Variants in PCDHA1 observed in about 807,000 individuals in gnomAD.
PCDHA1 encodes protocadherin alpha 1.
A neutral mutation model predicts 61.3 loss-of-function variants in PCDHA1; 42 were observed. The observed-to-expected ratio is 0.69, with a 90% confidence interval of 0.54 to 0.89. The LOEUF (loss-of-function observed/expected upper bound fraction) is 0.89. PCDHA1 is among the 40% of genes least tolerant of loss of function. PCDHA1 has a pLI of 0.00. For synonymous variants in PCDHA1, 610 were observed against 553.8 expected, an observed-to-expected ratio of 1.10 and a Z score of -1.43; for missense variants, 1,256 against 1,235.3, an observed-to-expected ratio of 1.02 and a Z score of -0.25.
rs2150158198 is a variant in PCDHA1 at position 140,828,717 on chromosome 5, A to C, written c.2394+40033A>C. On this transcript the variant is annotated intron_variant, in intron 1 of 3. Coordinates refer to ENST00000504120, the MANE Select transcript of PCDHA1 (RefSeq NM_018900.4). The stretch of plus-strand genomic sequence containing the variant: ...GACAGAGAGGAAGCTCCTGCACACA[A>C]CTTATTCCTGACAGCCACAGATGGG... 5.6e-6 allele frequency: 9 copies of C among 1,614,108 alleles called. No homozygotes were observed. In the South Asian group the frequency reaches 7.7e-5, roughly 14 times the overall value.
intron 1 of PCDHA1, chr5:140,815,377 T>C (rs1765709117): frequency 6.6e-6 from 1 of 152,104 alleles, no homozygotes; most frequent in South Asian, 2.1e-4. Flanking sequence ...TCTTTGTGGT[T>C]ACCATGGGGC....
intron 1 of PCDHA1, chr5:140,851,142 C>T: frequency 7.6e-7 from 1 of 1,309,246 alleles, no homozygotes; most frequent in Non-Finnish European, 9.9e-7. Flanking sequence ...ATTAAAGTGA[C>T]ATTGAATTTC....
At position 140,929,035 on chromosome 5, in the gene PCDHA1, G is replaced by T. The variant is rs6877058; in HGVS notation, c.2395-49914G>T. 2.5e-3 allele frequency: 4,027 copies of T among 1,614,128 alleles called. 64 individuals are homozygous for T. In the African/African-American group the frequency reaches 0.039, roughly 15 times the overall value. On this transcript the variant is annotated intron_variant, in intron 1 of 3. Coordinates refer to ENST00000504120, the MANE Select transcript of PCDHA1 (RefSeq NM_018900.4). The stretch of plus-strand genomic sequence containing the variant: ...GTTGCACCAGAGCCCAGGCTGTTGC[G>T]CTCAGAGCTGCTGTCGCTCTACAGA...
intron 1 of PCDHA1, chr5:140,803,396 G>A (rs781804776): frequency 6.2e-7 from 1 of 1,614,230 alleles, no homozygotes; most frequent in Non-Finnish European, 8.5e-7. Flanking sequence ...GCGACTGTGG[G>A]CCGGGCAAGC....
rs2150522888 is a variant in PCDHA1 at position 140,852,815 on chromosome 5, T to G, written c.2394+64131T>G. 1.8e-5 allele frequency: 18 copies of G among 973,398 alleles called. No homozygotes were observed. In the East Asian group the frequency reaches 1.4e-3, roughly 74 times the overall value. 60.3% of individuals were successfully genotyped at this position (973,398 alleles called of 1,614,324 possible). On this transcript the variant is annotated intron_variant, in intron 1 of 3. Coordinates refer to ENST00000504120, the MANE Select transcript of PCDHA1 (RefSeq NM_018900.4). ...TACAGATGTCATTTGTCTCCCGCCC[T>G]AAGTCCTCCAGTCTCCTTAGAGCTA...
At chr5:140,877,708 G>A in intron 1 of PCDHA1, 12 of 1,614,072 alleles carry the variant, frequency 7.4e-6, no homozygotes, top group Non-Finnish European at 1.0e-5. Flanking sequence ...CAGCGCCGTG[G>A]GGAGTTGGTC....
In PCDHA1 at chr5:140,855,898, G is replaced by C; in HGVS notation, c.2394+67214G>C. On this transcript the variant is annotated intron_variant, in intron 1 of 3. Transcript: ENST00000504120. ...ATAGCTTTTTAGAACAAAGGCATCA[G>C]CCAGTTTCTCAAGGACTAGGAAGTA... is the stretch of plus-strand genomic sequence containing the variant. 1.9e-6 allele frequency: 2 copies of C among 1,070,112 alleles called. 1 individual carries two copies. The highest frequency in any genetic ancestry group is 2.7e-6 in the Non-Finnish European group (2 of 750,306). The allele number at this position is 1,070,112 out of a possible 1,614,324, so 66.3% of individuals were successfully genotyped here.
chr5:140,995,899 A>G (rs900121248), intron 3 of PCDHA1, among the ~76,000 whole-genome samples: 2 of 152,226 alleles, frequency 1.3e-5, no homozygotes, highest in Non-Finnish European at 2.9e-5. Context: ...ATCAATGTAT[A>G]AAAGAGGAGA....
rs868940218 is a variant in PCDHA1 at position 140,801,092 on chromosome 5, C to T, written c.2394+12408C>T. The T allele has an allele frequency of 5.3e-5, 80 of 1,496,068 alleles. No individual in the cohort carries two copies. In the Middle Eastern group the frequency reaches 1.6e-3, roughly 30 times the overall value. 92.7% of individuals were successfully genotyped at this position (1,496,068 alleles called of 1,614,324 possible). On this transcript the variant is annotated intron_variant, in intron 1 of 3. Coordinates refer to ENST00000504120, the MANE Select transcript of PCDHA1 (RefSeq NM_018900.4). ...CAGATACTGCTTTGCTTCATCCTCT[C>T]TAAAATTTAACACCGAGGAGTTTAA...
chr5:140,949,779 T>A (rs1414817850), intron 1 of PCDHA1, among the ~76,000 whole-genome samples: 1 of 151,898 alleles, frequency 6.6e-6, no homozygotes, highest in East Asian at 1.9e-4. Context: ...ATTTGATATG[T>A]TTAGATTTGT....
At chr5:140,835,228 C>G (rs1260478265) in intron 1 of PCDHA1, 2 of 1,593,870 alleles carry the variant, frequency 1.3e-6, no homozygotes, top group African/African-American at 2.8e-5. Context: ...TACTCCTTCT[C>G]CAGTGATGTT....
chr5:140,795,967 A>G, intron 1 of PCDHA1: 2 of 1,614,172 alleles, frequency 1.2e-6, no homozygotes, highest in Non-Finnish European at 1.7e-6. Context: ...AGGACATTGT[A>G]AAATTTCATT....
rs112458290 is a variant in PCDHA1, at chr5:140,842,855, A to G, written c.2394+54171A>G. 3.5e-3 allele frequency: 5,603 copies of G among 1,593,762 alleles called. 526 individuals carry two copies. The African/African-American group carries it at 0.06, about 17-fold the overall frequency. On this transcript the variant is annotated intron_variant, in intron 1 of 3. Coordinates refer to ENST00000504120, the MANE Select transcript of PCDHA1 (RefSeq NM_018900.4). ...GCTGTCGAGCTACATTTCGGTGCACACGGAGAGCGGCAAGGTGTACGCGCT... is the reference window on the plus strand; with the variant it reads ...GCTGTCGAGCTACATTTCGGTGCACGCGGAGAGCGGCAAGGTGTACGCGCT...
rs149491908 is a variant in PCDHA1 at position 140,796,876 on chromosome 5, G to A, written c.2394+8192G>A. ...TGAGATCAGCACGACACGTGCCCTA[G>A]ACGAGGCTGACTCCCCTCGACACCG... On this transcript the variant is annotated intron_variant, in intron 1 of 3. Coordinates refer to ENST00000504120, the MANE Select transcript of PCDHA1 (RefSeq NM_018900.4). 194 of 1,614,034 alleles carry A rather than the reference G, an allele frequency of 1.2e-4. No homozygotes were observed. In the African/African-American group the frequency reaches 2.1e-3, roughly 18 times the overall value.
intron 1 of PCDHA1, among the ~76,000 whole-genome samples, chr5:140,855,122 G>C (rs1327374532): frequency 1.3e-5 from 2 of 149,706 alleles, no homozygotes; most frequent in African/African-American, 4.9e-5. Flanking sequence ...CATTCTATAG[G>C]TAATAATTTT....
chr5:140,850,540 C>T, intron 1 of PCDHA1: 1 of 1,598,246 alleles, frequency 6.3e-7, no homozygotes, highest in Non-Finnish European at 8.6e-7. Flanking sequence ...TCGTCGCGGG[C>T]GTCAGTGGGT....
chr5:141,009,892 G>GTTT lies in PCDHA1; in HGVS notation c.2808_2809insTTT (p.Glu936_Lys937insPhe). 6.2e-7 allele frequency: 1 copy of GTTT among 1,612,140 alleles called. No individual in the cohort carries two copies. Among genetic ancestry groups the GTTT allele is most frequent in the Non-Finnish European group, 8.5e-7 (1 of 1,179,578 alleles). ...AGAAGAAGGGTAACAAGACCCAGGAGAAAAAAGAGAAAGGGAACAGCACGA... is the reference window on the plus strand; with the variant it reads ...AGAAGAAGGGTAACAAGACCCAGGAGTTTAAAAAAGAGAAAGGGAACAGCACGA... On this transcript the variant is annotated inframe_insertion, in exon 4 of 4. Transcript: ENST00000504120.
chr5:140,850,903 G>A (rs2150501679), intron 1 of PCDHA1: 2 of 1,560,976 alleles, frequency 1.3e-6, no homozygotes, highest in Admixed American at 1.9e-5. Flanking sequence ...GGTTTTTCTA[G>A]CATTTTATTT....
intron 1 of PCDHA1, chr5:140,870,744 C>T (rs1432638683): frequency 6.2e-7 from 1 of 1,613,474 alleles, no homozygotes; most frequent in Non-Finnish European, 8.5e-7. Context: ...TGAGCAGCAA[C>T]GTGACGCTGC....
Sources: gnomAD v4.1 joint callset for allele counts (sites outside exome capture counted in the v4.1 genomes callset) on GRCh38, gnomAD v4.1.1 for gene constraint, MANE v1.5 for transcripts, NCBI Gene and HGNC (gene_info 2026-07-23, HGNC 2026-07-21) for gene names.